The following DAGLB variants were observed in gnomAD, a reference collection of about 807,000 sequenced individuals.
DAGLB encodes the protein diacylglycerol lipase beta, also known as diacylglycerol lipase-beta.
Under a neutral mutation model 72.1 loss-of-function variants are expected in DAGLB, and 66 were observed. The ratio of observed to expected loss-of-function variants is 0.92; its 90% confidence interval spans 0.75 to 1.12. DAGLB has a LOEUF of 1.12. DAGLB is among the 50% of genes most tolerant of loss of function. The probability of loss-of-function intolerance (pLI) is 0.00; values close to 1 mark genes in which losing one functional copy is unlikely to be tolerated. For synonymous variants in DAGLB, 414 were observed against 359.5 expected (o/e 1.15, Z -1.71); for missense variants, 1,065 against 884.9 (o/e 1.20, Z -2.58).
intron 2 of DAGLB, among the ~76,000 whole-genome samples, chr7:6,440,822 T>A (rs572986338): frequency 2.0e-3 from 305 of 152,206 alleles, no homozygotes; most frequent in Non-Finnish European, 3.7e-3. Flanking sequence ...TGAGCTGAGA[T>A]CCCACCACTG....
intron 13 of DAGLB, 71 bp from the exon 14 acceptor site, chr7:6,410,451 A>G: frequency 6.6e-7 from 1 of 1,526,248 alleles, no homozygotes; most frequent in South Asian, 1.3e-5. Flanking sequence ...CGAAACACCA[A>G]GGCGGACCAG....
chr7:6,435,048 G>A (rs201365244), intron 3 of DAGLB, 28 bp from the exon 4 acceptor site: 17 of 1,609,166 alleles, frequency 1.1e-5, no homozygotes, highest in South Asian at 4.4e-5. Context: ...GAAAAGGCTC[G>A]GTGACTGCGG....
intron 9 of DAGLB, among the ~76,000 whole-genome samples, chr7:6,418,246 G>T (rs1783982015): frequency 6.6e-6 from 1 of 151,692 alleles, no homozygotes; most frequent in African/African-American, 2.4e-5. Context: ...GCTCATGCCT[G>T]TAATTCCAAC....
At chr7:6,436,048 TATAAG>T (rs900689411) in intron 3 of DAGLB, among the ~76,000 whole-genome samples, 3 of 149,076 alleles carry the variant, frequency 2.0e-5, no homozygotes, top group South Asian at 2.1e-4. Context: ...TCCGAATTCT[TATAAG>T]AGAAGGGTTA....
intron 6 of DAGLB, among the ~76,000 whole-genome samples, chr7:6,429,279 C>A (rs1228829114): frequency 6.6e-6 from 1 of 151,998 alleles, no homozygotes; most frequent in African/African-American, 2.4e-5. Context: ...TAAATCTAAT[C>A]ATGGGGAAAC....
Position 6,432,829 on chromosome 7 carries a change from A to G in DAGLB, c.801+8T>C. 6.2e-7 allele frequency: 1 copy of G among 1,613,094 alleles called. No homozygotes were observed. Among genetic ancestry groups the G allele is most frequent in the Non-Finnish European group, 8.5e-7 (1 of 1,179,740 alleles). On this transcript the variant is annotated splice_region_variant and intron_variant, in intron 5 of 14. Coordinates refer to ENST00000297056, the MANE Select transcript of DAGLB (RefSeq NM_139179.4). Reference sequence around the variant, plus strand: ...TCAGAACTGGACACTCCATGAAGCCAGGCTCACCTGGGAGCTCCCTGGGGC... The same window carrying G: ...TCAGAACTGGACACTCCATGAAGCCGGGCTCACCTGGGAGCTCCCTGGGGC...
In DAGLB at chr7:6,424,083, G is replaced by A. The variant is rs772381902; in HGVS notation, c.1140+669C>T. Among the ~76,000 whole-genome samples the A allele has an allele frequency of 2.5e-4, 38 of 152,318 alleles. No homozygotes were observed. In the Middle Eastern group the frequency reaches 0.014, roughly 55 times the overall value. On this transcript the variant is annotated intron_variant, in intron 8 of 14. Coordinates refer to ENST00000297056, the MANE Select transcript of DAGLB (RefSeq NM_139179.4). ...GGAGCAGAAGAGGGCTGAGCACACAGGCTCTGGAGTCTCAACTCATTTTCT... is the reference window on the plus strand; with the variant it reads ...GGAGCAGAAGAGGGCTGAGCACACAAGCTCTGGAGTCTCAACTCATTTTCT...
chr7:6,419,349 C>G (rs942817850), intron 9 of DAGLB, among the ~76,000 whole-genome samples: 4 of 152,080 alleles, frequency 2.6e-5, no homozygotes, highest in Admixed American at 2.0e-4. Flanking sequence ...CCTGCGACGG[C>G]GGGATGCAGT....
intron 2 of DAGLB, among the ~76,000 whole-genome samples, chr7:6,443,262 A>AG (rs929757443): frequency 1.3e-5 from 2 of 150,100 alleles, no homozygotes; most frequent in Admixed American, 6.6e-5. Context: ...AAAAAAAAAA[A>AG]AAAAAAAAAA....
Position 6,447,893 on chromosome 7 carries a change from C to A in DAGLB, c.-51G>T, listed in dbSNP as rs761078365. 6 of 1,550,512 alleles carry A rather than the reference C, an allele frequency of 3.9e-6. No homozygotes were observed. The highest frequency in any genetic ancestry group is 5.2e-6 in the Non-Finnish European group (6 of 1,154,030). On this transcript the variant is annotated 5_prime_UTR_variant, in exon 1 of 15. Transcript: ENST00000297056. ...AGGAGAGACCCCGCGCGCCGTTCAC[C>A]GAGAACAAACCAGCACCCTCCGGAC...
intron 7 of DAGLB, among the ~76,000 whole-genome samples, chr7:6,425,520 T>G (rs1784281339): frequency 3.9e-5 from 6 of 152,096 alleles, no homozygotes; most frequent in Admixed American, 3.9e-4. Context: ...TCCACCCGCC[T>G]CGGCCTCTCA....
chr7:6,426,081 G>T lies in DAGLB; in HGVS notation c.963C>A (p.Val321=), dbSNP rs771808126. ...CRSRTTDYDL[V]GGDQLNCHFG... ...AGTGACAGTTGAGCTGATCGCCTCC[G>T]ACCAAGTCATAGTCTGTGGTTCTGC... Residue 321 remains valine (V), a synonymous_variant, in exon 7 of 15, where the codon GTC becomes GTA. Coordinates refer to ENST00000297056, the MANE Select transcript of DAGLB (RefSeq NM_139179.4). The T allele has an allele frequency of 1.9e-6, 3 of 1,613,876 alleles. No individual in the cohort carries two copies. Among genetic ancestry groups the T allele is most frequent in the East Asian group, 4.5e-5 (2 of 44,882 alleles).
At chr7:6,413,520 C>T (rs1783803162) in intron 11 of DAGLB, among the ~76,000 whole-genome samples, 1 of 152,040 alleles carries the variant, frequency 6.6e-6, no homozygotes, top group African/African-American at 2.4e-5. Flanking sequence ...GTCCCAGCTA[C>T]TCAGGAGGCT....
At chr7:6,435,218 T>G (rs943409475) in intron 3 of DAGLB, among the ~76,000 whole-genome samples, 198 bp from the exon 4 acceptor site, 2 of 152,152 alleles carry the variant, frequency 1.3e-5, no homozygotes, top group Non-Finnish European at 2.9e-5. Context: ...CTGGGCATGG[T>G]GGCTCACACC....
intron 13 of DAGLB, among the ~76,000 whole-genome samples, chr7:6,410,934 G>C (rs1029961005): frequency 2.1e-5 from 3 of 145,264 alleles, no homozygotes; most frequent in Admixed American, 1.4e-4. Flanking sequence ...GCCCAGGCTG[G>C]AGTGCAGTGG....
At chr7:6,414,814 C>T (rs547146640) in intron 11 of DAGLB, among the ~76,000 whole-genome samples, 7 of 150,888 alleles carry the variant, frequency 4.6e-5, no homozygotes, top group African/African-American at 7.3e-5. Context: ...CAGATATGGA[C>T]GATGGAAAAA....
rs1783926682 is a variant in DAGLB at position 6,416,648 on chromosome 7, G to C, written c.1406C>G (p.Ser469Cys). The part of the protein sequence containing the change: ...AYPQVRCYAF[S>C]PPRGLWSKAL... ...TCACCTCCACAGCCCCCGGGGTGGG[G>C]AGAAGGCGTAGCACCTGACCTGCGG... Residue 469 changes from serine (S) to cysteine (C), a missense_variant, in exon 11 of 15, where the codon TCC becomes TGC. Physicochemically the swap from Ser to Cys is moderately radical, Grantham distance 112. Transcript: ENST00000297056. 6.2e-7 allele frequency: 1 copy of C among 1,611,628 alleles called. No individual in the cohort carries two copies. The highest frequency in any genetic ancestry group is 1.3e-5 in the African/African-American group (1 of 75,010).
chr7:6,446,436 T>C (rs7797644), intron 1 of DAGLB, among the ~76,000 whole-genome samples: 118,070 of 141,272 alleles, frequency 0.84, 49,484 homozygotes, highest in African/African-American at 0.93. Context: ...CGAGATCGTG[T>C]CACTGCACTC....
intron 2 of DAGLB, among the ~76,000 whole-genome samples, chr7:6,444,053 GC>G (rs1402980400): frequency 1.3e-5 from 2 of 152,082 alleles, no homozygotes; most frequent in Non-Finnish European, 2.9e-5. Context: ...GATCACCTGA[GC>G]CCAGGAGTTC....
Sources: allele counts gnomAD v4.1 joint callset (sites outside exome capture counted in the v4.1 genomes callset), GRCh38; gene constraint gnomAD v4.1.1; transcripts MANE v1.5; gene names NCBI Gene and HGNC (gene_info 2026-07-23, HGNC 2026-07-21).